Variants in SNRPN observed in about 807,000 individuals in gnomAD.
SNRPN encodes small nuclear ribonucleoprotein-associated protein N.
In SNRPN, 7 loss-of-function variants were observed where a neutral mutation model predicts 25.2. The ratio of observed to expected loss-of-function variants is 0.28; its 90% CI spans 0.16 to 0.52. The LOEUF is 0.52. SNRPN is among the 20% of genes least tolerant of loss of function. SNRPN has a pLI of 0.96. For missense variants in SNRPN, 196 were observed against 322.5 expected (o/e 0.61, Z 3.00); for synonymous variants, 124 against 110.6 (o/e 1.12, Z -0.76).
At chr15:24,873,314 T>C (rs1392613972) in intron 1 of SNRPN, among the ~76,000 whole-genome samples, 1 of 115,462 alleles carries the variant, frequency 8.7e-6, no homozygotes. Context: ...TCAAGACTCT[T>C]CTTTTGTTTT....
intron 2 of SNRPN, among the ~76,000 whole-genome samples, chr15:24,839,959 C>T (rs915507151): frequency 2.0e-5 from 3 of 152,198 alleles, no homozygotes; most frequent in African/African-American, 7.2e-5. Flanking sequence ...TGTGAGCCAT[C>T]CAGAGAGAAA....
At chr15:24,892,182 T>G (rs1384443128) in intron 2 of SNRPN, among the ~76,000 whole-genome samples, 1 of 152,208 alleles carries the variant, frequency 6.6e-6, no homozygotes, top group African/African-American at 2.4e-5. Flanking sequence ...ATATCCAGTC[T>G]ATTTCCAAAT....
intron 2 of SNRPN, among the ~76,000 whole-genome samples, chr15:24,900,349 T>G (rs1399252221): frequency 6.6e-6 from 1 of 152,198 alleles, no homozygotes; most frequent in Non-Finnish European, 1.5e-5. Flanking sequence ...AATGAGATCC[T>G]GAAACTTGGA....
At chr15:24,910,223 C>T (rs1297617757) in intron 2 of SNRPN, among the ~76,000 whole-genome samples, 3 of 152,136 alleles carry the variant, frequency 2.0e-5, no homozygotes, top group African/African-American at 7.2e-5. Flanking sequence ...GGACATTTGG[C>T]AGAAGAAATC....
intron 3 of SNRPN, chr15:24,920,508 C>T (rs1168675860): frequency 6.6e-6 from 1 of 152,072 alleles, no homozygotes; most frequent in Non-Finnish European, 1.5e-5. Context: ...GCATTTCGAA[C>T]AAGTGCCAGG....
At chr15:24,930,210 CAAAAAA>C (rs10554147) in intron 3 of SNRPN, among the ~76,000 whole-genome samples, 3 of 93,868 alleles carry the variant, frequency 3.2e-5, no homozygotes, top group African/African-American at 1.1e-4. Flanking sequence ...CACCACAGTC[CAAAAAA>C]AAAAAAAAAA....
chr15:24,935,231 C>T (rs115962584), intron 3 of SNRPN, among the ~76,000 whole-genome samples: 116 of 151,940 alleles, frequency 7.6e-4, no homozygotes, highest in African/African-American at 2.3e-3. Flanking sequence ...GAGATCATGC[C>T]GCTACACTCC....
chr15:24,960,143 T>TA (rs1330440921), intron 1 of SNRPN, among the ~76,000 whole-genome samples: 1 of 151,640 alleles, frequency 6.6e-6, no homozygotes, highest in Non-Finnish European at 1.5e-5. Flanking sequence ...TGCATGCCTG[T>TA]AATCCCAGCT....
Position 24,978,222 on chromosome 15 carries a change from C to T in SNRPN, c.589C>T (p.Pro197Ser), listed in dbSNP as rs1015670834. 34 of 1,613,794 alleles carry T rather than the reference C, an allele frequency of 2.1e-5. No homozygotes were observed. Among genetic ancestry groups the T allele is most frequent in the Non-Finnish European group, 2.9e-5 (34 of 1,179,848 alleles). ...GIMAPPPGMR[P>S]PMGPPIGLPP... ...TATGGCTCCTCCACCTGGTATGAGACCACCCATGGGCCCACCAATTGGGCT... is the reference window on the plus strand; with the variant it reads ...TATGGCTCCTCCACCTGGTATGAGATCACCCATGGGCCCACCAATTGGGCT... The change falls in exon 9 of 10, where the codon CCA becomes TCA. Residue 197 changes from proline (P) to serine (S), a missense_variant. By Grantham distance (74) the Pro-to-Ser change is moderately conservative (BLOSUM62 -1). Coordinates refer to ENST00000390687, the MANE Select transcript of SNRPN (RefSeq NM_003097.6).
At chr15:24,975,550 A>G in intron 5 of SNRPN, 41 bp downstream of exon 5, 1 of 1,575,830 alleles carries the variant, frequency 6.3e-7, no homozygotes, top group Non-Finnish European at 8.7e-7. Flanking sequence ...ACACAGAGGC[A>G]GTGGGAAGGG....
rs1595704434 is a variant in SNRPN at position 24,886,791 on chromosome 15, C to T, written c.-505+202C>T. 2.0e-5 allele frequency among the ~76,000 whole-genome samples: 3 copies of T among 152,298 alleles called. No homozygotes were observed. The South Asian group carries it at 6.2e-4, about 32-fold the overall frequency. On this transcript the variant is annotated intron_variant, in intron 2 of 11. Transcript: ENST00000400097. ...AGAGTTGCACACCTAAAAAGGGACT[C>T]AATTAAAATTATCATTCATTTTAGT...
chr15:24,848,566 A>C (rs1294595716), intron 2 of SNRPN: 1 of 152,170 alleles, frequency 6.6e-6, no homozygotes, highest in African/African-American at 2.4e-5. Flanking sequence ...TAGTTATATA[A>C]ACATTGCAAG....
At position 24,976,193 on chromosome 15, in the gene SNRPN, C is replaced by G. The variant is rs923163646; in HGVS notation, c.156-112C>G. 8.5e-6 allele frequency: 7 copies of G among 818,902 alleles called. No homozygotes were observed. In the Admixed American group the frequency reaches 1.5e-4, roughly 18 times the overall value. The allele number at this position is 818,902 out of a possible 1,614,324, so 50.7% of individuals were successfully genotyped here. ...TTTGGCTTGTTTTTCAGTGATAACTCAGTAAATGTTTAGCATCAGTTGTCT... is the reference window on the plus strand; with the variant it reads ...TTTGGCTTGTTTTTCAGTGATAACTGAGTAAATGTTTAGCATCAGTTGTCT... On this transcript the variant is annotated intron_variant, in intron 5 of 9. Coordinates refer to ENST00000390687, the MANE Select transcript of SNRPN (RefSeq NM_003097.6).
intron 1 of SNRPN, among the ~76,000 whole-genome samples, chr15:24,857,338 A>C (rs2053501462): frequency 1.3e-5 from 2 of 152,170 alleles, no homozygotes; most frequent in South Asian, 4.1e-4. Flanking sequence ...AATTGTCGGC[A>C]TGATGTTTGC....
chr15:24,838,126 C>T (rs2051381340), intron 2 of SNRPN, among the ~76,000 whole-genome samples: 1 of 151,852 alleles, frequency 6.6e-6, no homozygotes, highest in African/African-American at 2.4e-5. Context: ...GCTCCACCTC[C>T]CTGGTTCAAG....
At chr15:24,911,067 T>G in intron 2 of SNRPN, 1 of 1,512,916 alleles carries the variant, frequency 6.6e-7, no homozygotes, top group Non-Finnish European at 8.9e-7. Context: ...GTGTTTCTTC[T>G]TGTGTTTCCT....
chr15:24,964,577 T>G (rs1471362147), intron 2 of SNRPN, among the ~76,000 whole-genome samples: 1 of 152,050 alleles, frequency 6.6e-6, no homozygotes, highest in Non-Finnish European at 1.5e-5. Context: ...GGATTACAGG[T>G]GTGAGCCACT....
At chr15:24,853,470 T>G (rs1021295607), upstream of SNRPN, among the ~76,000 whole-genome samples, 5 of 152,028 alleles carry the variant, frequency 3.3e-5, no homozygotes, top group Non-Finnish European at 7.4e-5. Flanking sequence ...CTCGGCTTGC[T>G]GCAAGCTCCG....
intron 1 of SNRPN, among the ~76,000 whole-genome samples, chr15:24,878,820 A>T (rs1024064): frequency 6.6e-6 from 1 of 151,832 alleles, no homozygotes; most frequent in African/African-American, 2.4e-5. Context: ...AAGAAATGAG[A>T]TACTACTTTA....
Sources: gnomAD v4.1 joint callset for allele counts (sites outside exome capture counted in the v4.1 genomes callset) on GRCh38, gnomAD v4.1.1 for gene constraint, MANE v1.5 for transcripts, NCBI Gene and HGNC (gene_info 2026-07-23, HGNC 2026-07-21) for gene names.